The following PAX2 variants were observed in gnomAD, a reference collection of about 807,000 sequenced individuals.
PAX2 encodes paired box protein Pax-2.
Under a neutral mutation model 41.7 loss-of-function variants are expected in PAX2, and 9 were observed. The observed-to-expected ratio is 0.22, with a 90% CI of 0.13 to 0.38. The LOEUF (loss-of-function observed/expected upper bound fraction) is 0.38. PAX2 is among the 10% of genes least tolerant of loss of function. The pLI is 1.00. For synonymous variants in PAX2, 221 were observed against 212.7 expected, an observed-to-expected ratio of 1.04 and a Z score of -0.34; for missense variants, 418 against 531.6, an observed-to-expected ratio of 0.79 and a Z score of 2.10.
At chr10:100,782,064 T>TG (rs944052080) in intron 5 of PAX2, among the ~76,000 whole-genome samples, 17 of 152,138 alleles carry the variant, frequency 1.1e-4, no homozygotes, top group Admixed American at 1.1e-3. Flanking sequence ...GTCGTGACAT[T>TG]GGGGGTCCCT....
chr10:100,772,572 C>T (rs1846254366), intron 3 of PAX2, among the ~76,000 whole-genome samples: 1 of 152,224 alleles, frequency 6.6e-6, no homozygotes, highest in Non-Finnish European at 1.5e-5. Flanking sequence ...GCCAGCTAGT[C>T]TGGCACATTT....
At chr10:100,804,999 T>TTCTC (rs55900944) in intron 5 of PAX2, among the ~76,000 whole-genome samples, 2 of 93,680 alleles carry the variant, frequency 2.1e-5, no homozygotes, top group Admixed American at 1.1e-4. Context: ...CTCTCTCTCC[T>TTCTC]TCTCTCTCTC....
In PAX2 at chr10:100,824,291, A is replaced by C. The variant is rs947068436; in HGVS notation, c.920-357A>C. ...CTTGCTGAGAAGGAGGAGTAAAACC[A>C]GGTCATCTCCCTCCCATCTCCATCT... On this transcript the variant is annotated intron_variant, in intron 7 of 9. Transcript: ENST00000355243. The surrounding 1 kb of genome is among the most constrained non-coding windows in gnomAD (Gnocchi z 6.6). 2.6e-5 allele frequency among the ~76,000 whole-genome samples: 4 copies of C among 151,194 alleles called. No homozygotes were observed. Among genetic ancestry groups the C allele is most frequent in the Non-Finnish European group, 4.4e-5 (3 of 67,808 alleles).
chr10:100,784,376 C>A (rs913004416), intron 5 of PAX2, among the ~76,000 whole-genome samples: 2 of 152,164 alleles, frequency 1.3e-5, no homozygotes, highest in African/African-American at 2.4e-5. Context: ...TGAGCACGCA[C>A]ATTAAAGGGC....
chr10:100,763,751 T>TAGGC (rs1451678061), intron 3 of PAX2, among the ~76,000 whole-genome samples: 1 of 152,228 alleles, frequency 6.6e-6, no homozygotes, highest in East Asian at 1.9e-4. Flanking sequence ...AGGTGCTTGC[T>TAGGC]AAGCACCTAC....
chr10:100,757,878 T>A (rs554982444), intron 3 of PAX2, among the ~76,000 whole-genome samples: 81 of 152,130 alleles, frequency 5.3e-4, no homozygotes, highest in African/African-American at 1.9e-3. Flanking sequence ...TAAAGAAGAA[T>A]GGTCTGGCGC....
At chr10:100,809,387 G>C in intron 7 of PAX2, 151 bp downstream of exon 7, 1 of 778,806 alleles carries the variant, frequency 1.3e-6, no homozygotes, top group South Asian at 1.6e-5. Flanking sequence ...TCCTGAACAG[G>C]GGTGTGCAGA....
At chr10:100,778,853 C>G (rs562036904) in intron 3 of PAX2, among the ~76,000 whole-genome samples, 1 of 152,288 alleles carries the variant, frequency 6.6e-6, no homozygotes, top group Admixed American at 6.5e-5. Flanking sequence ...GAACAGGGCT[C>G]TGACTTGTTT....
At chr10:100,822,500 G>A (rs983585375) in intron 7 of PAX2, among the ~76,000 whole-genome samples, 7 of 152,246 alleles carry the variant, frequency 4.6e-5, no homozygotes, top group African/African-American at 1.2e-4. Context: ...CATCTACCAC[G>A]TTCTCAACTA....
chr10:100,744,735 A>T (rs1042953493), upstream of PAX2, among the ~76,000 whole-genome samples: 1 of 152,144 alleles, frequency 6.6e-6, no homozygotes, highest in African/African-American at 2.4e-5. Context: ...AGGGTTCAGA[A>T]ACCAAGTCCC....
chr10:100,780,860 T>C (rs942355838), intron 4 of PAX2, among the ~76,000 whole-genome samples: 1 of 152,134 alleles, frequency 6.6e-6, no homozygotes, highest in Non-Finnish European at 1.5e-5. Context: ...CAAGGGGGTA[T>C]CCAAGGAGCT....
chr10:100,746,585 G>C (rs978160054), intron 1 of PAX2, among the ~76,000 whole-genome samples: 2 of 152,100 alleles, frequency 1.3e-5, no homozygotes, highest in Non-Finnish European at 2.9e-5. Context: ...TCCTTCTTAG[G>C]TCATGGGATC....
At chr10:100,765,447 C>T (rs1845985972) in intron 3 of PAX2, among the ~76,000 whole-genome samples, 1 of 152,196 alleles carries the variant, frequency 6.6e-6, no homozygotes, top group Non-Finnish European at 1.5e-5. Flanking sequence ...CCTTTTATAC[C>T]TTTTGCATCA....
In PAX2 at chr10:100,748,046, G is replaced by T; in HGVS notation, c.44-1700G>T. On this transcript the variant is annotated intron_variant, in intron 1 of 9. Transcript: ENST00000355243. The surrounding 1 kb of genome is among the most constrained non-coding windows in gnomAD (Gnocchi z 5.0). Reference sequence around the variant, plus strand: ...TGGGTGAGACACCGCAGCCCGAGTCGGTGCTGGCGGCCGTGGCGCATTCCA... The same window carrying T: ...TGGGTGAGACACCGCAGCCCGAGTCTGTGCTGGCGGCCGTGGCGCATTCCA... The T allele has an allele frequency of 2.0e-6, 2 of 985,008 alleles. No individual in the cohort carries two copies. Among genetic ancestry groups the T allele is most frequent in the Non-Finnish European group, 2.4e-6 (2 of 829,898 alleles). The allele number at this position is 985,008 out of a possible 1,614,324, so 61.0% of individuals were successfully genotyped here. A position where few individuals can be genotyped will look rare whatever the true frequency, so the allele number is the denominator to read the frequency against.
At chr10:100,740,431 A>C (rs550783696) in intron 1 of PAX2, among the ~76,000 whole-genome samples, 1 of 152,288 alleles carries the variant, frequency 6.6e-6, no homozygotes, top group East Asian at 1.9e-4. Context: ...ATAGAAGGGG[A>C]AACAAAATAA....
At chr10:100,816,599 G>A (rs1490559804) in intron 7 of PAX2, among the ~76,000 whole-genome samples, 1 of 152,112 alleles carries the variant, frequency 6.6e-6, no homozygotes, top group African/African-American at 2.4e-5. Flanking sequence ...TCCCCCAGAG[G>A]GCCGGCCACC....
intron 7 of PAX2, among the ~76,000 whole-genome samples, chr10:100,815,392 G>A (rs1442738958): frequency 6.6e-6 from 1 of 152,136 alleles, no homozygotes; most frequent in African/African-American, 2.4e-5. Flanking sequence ...CAGACGTGTG[G>A]CAAGTCAGAG....
chr10:100,745,985 G>A lies in PAX2; in HGVS notation c.-276G>A, dbSNP rs1291622547. On this transcript the variant is annotated 5_prime_UTR_variant, in exon 1 of 10. Coordinates refer to ENST00000355243, the MANE Select transcript of PAX2 (RefSeq NM_000278.5). ...ATGCGCCCCCAGTGCACCCCGGCCC[G>A]GCCCACCGCCCCGGGGCCATTCTGC... is the stretch of plus-strand genomic sequence containing the variant. 6 of 1,333,600 alleles carry A rather than the reference G, an allele frequency of 4.5e-6. No individual in the cohort carries two copies. The highest frequency in any genetic ancestry group is 2.9e-4 in the Middle Eastern group (1 of 3,508). 82.6% of individuals were successfully genotyped at this position (1,333,600 alleles called of 1,614,324 possible).
chr10:100,745,800 C>T lies in PAX2; in HGVS notation c.-461C>T, dbSNP rs1054322282. On this transcript the variant is annotated 5_prime_UTR_variant, in exon 1 of 10. Transcript: ENST00000355243. Reference sequence around the variant, plus strand: ...TTCTCTGCCAACTTCGCCAACTCGCCAGCACTTGGAGAGGCCCGGCTCCCC... The same window carrying T: ...TTCTCTGCCAACTTCGCCAACTCGCTAGCACTTGGAGAGGCCCGGCTCCCC... 3.0e-5 allele frequency: 32 copies of T among 1,077,294 alleles called. No homozygotes were observed. The highest frequency in any genetic ancestry group is 3.5e-5 in the Non-Finnish European group (31 of 888,414). 66.7% of individuals were successfully genotyped at this position (1,077,294 alleles called of 1,614,324 possible).
Sources: allele counts gnomAD v4.1 joint callset (sites outside exome capture counted in the v4.1 genomes callset), GRCh38; gene constraint gnomAD v4.1.1; non-coding constraint Gnocchi (gnomAD v3.1); transcripts MANE v1.5; gene names NCBI Gene and HGNC (gene_info 2026-07-23, HGNC 2026-07-21).